The following RSPRY1 variants were observed in gnomAD, a reference collection of about 807,000 sequenced individuals.
The protein encoded by RSPRY1 is RING finger and SPRY domain-containing protein 1.
In RSPRY1, 23 loss-of-function variants were observed where a neutral mutation model predicts 73.1. That is an observed-to-expected ratio of 0.31 (90% CI 0.23 to 0.45). RSPRY1 has a LOEUF of 0.45. Among genes scored for constraint, RSPRY1 ranks in the 20% least tolerant of loss-of-function variants. The pLI is 1.00. For missense variants in RSPRY1, 448 were observed against 698.7 expected (o/e 0.64, Z 4.05); for synonymous variants, 226 against 251.4 (o/e 0.90, Z 0.95).
chr16:57,207,836 C>T lies in RSPRY1; in HGVS notation c.351-222C>T, dbSNP rs137907643. On this transcript the variant is annotated intron_variant, in intron 2 of 14. Coordinates refer to ENST00000394420, the MANE Select transcript of RSPRY1 (RefSeq NM_133368.3). ...TAGTCTTTGTCTGTATCCACCTGCC[C>T]ATTTTGTCTGTGGGTCATTGTGGAC... Among the ~76,000 whole-genome samples the T allele has an allele frequency of 1.6e-3, 239 of 152,252 alleles. 2 individuals carry two copies. The highest frequency in any genetic ancestry group is 2.1e-3 in the Non-Finnish European group (142 of 68,016).
intron 10 of RSPRY1, among the ~76,000 whole-genome samples, chr16:57,222,234 G>T (rs372846087): frequency 6.6e-6 from 1 of 152,078 alleles, no homozygotes; most frequent in African/African-American, 2.4e-5. Context: ...TAAACTTGCC[G>T]GCCATAAGTA....
rs1325848771 is a variant in RSPRY1, at chr16:57,240,356, C to CA, written c.*1382dup. On this transcript the variant is annotated 3_prime_UTR_variant, in exon 15 of 15. Transcript: ENST00000394420. ...CCATAAATCCACACACACACACACA[C>CA]ACAAAAAATATATATATATATAAAT... 3 of 148,604 alleles carry CA rather than the reference C, an allele frequency of 2.0e-5. No homozygotes were observed. The highest frequency in any genetic ancestry group is 4.5e-5 in the Non-Finnish European group (3 of 67,284). The allele number at this position is 148,604 out of a possible 1,614,324, so 9.2% of individuals were successfully genotyped here.
intron 1 of RSPRY1, among the ~76,000 whole-genome samples, chr16:57,200,560 T>C (rs1319111554): frequency 1.7e-4 from 20 of 114,916 alleles, no homozygotes; most frequent in South Asian, 3.2e-4. Flanking sequence ...CCCTCCCGGA[T>C]GGGGCGGCTG....
At chr16:57,201,910 T>C (rs1388797695) in intron 1 of RSPRY1, among the ~76,000 whole-genome samples, 1 of 152,044 alleles carries the variant, frequency 6.6e-6, no homozygotes, top group African/African-American at 2.4e-5. Context: ...ATGGCAGCAG[T>C]ACAGTCCAGC....
intron 1 of RSPRY1, among the ~76,000 whole-genome samples, chr16:57,197,357 G>A (rs574865380): frequency 7.2e-5 from 11 of 152,262 alleles, no homozygotes; most frequent in African/African-American, 2.6e-4. Flanking sequence ...AGTACTCTGT[G>A]TAGTCATCTC....
intron 1 of RSPRY1, among the ~76,000 whole-genome samples, chr16:57,195,372 C>T (rs1423619929): frequency 2.0e-5 from 3 of 152,014 alleles, no homozygotes; most frequent in African/African-American, 4.8e-5. Flanking sequence ...ATGAGCCAGG[C>T]GTGGTGGCAG....
intron 1 of RSPRY1, among the ~76,000 whole-genome samples, chr16:57,191,228 T>C (rs1166185179): frequency 2.0e-5 from 3 of 152,230 alleles, no homozygotes; most frequent in Admixed American, 6.5e-5. Context: ...ATTCTCAAGA[T>C]GTGGTTTCTG....
intron 4 of RSPRY1, 74 bp from the exon 5 acceptor site, chr16:57,212,898 C>T (rs1433366558): frequency 5.4e-6 from 7 of 1,294,552 alleles, no homozygotes; most frequent in Non-Finnish European, 7.3e-6. Context: ...GCTTTTGTCT[C>T]AAAAAAAAAA....
intron 4 of RSPRY1, among the ~76,000 whole-genome samples, chr16:57,211,686 T>C (rs1309873523): frequency 2.6e-5 from 4 of 152,222 alleles, no homozygotes; most frequent in Non-Finnish European, 5.9e-5. Flanking sequence ...CGAACTTTCA[T>C]TGCTTTCCCA....
intron 6 of RSPRY1, 79 bp from the exon 7 acceptor site, chr16:57,216,028 A>G (rs553862966): frequency 3.6e-6 from 4 of 1,104,766 alleles, no homozygotes; most frequent in East Asian, 4.7e-5. Flanking sequence ...ATATTGGGCA[A>G]GGAAATGAAA....
At chr16:57,203,476 G>C (rs1199532100) in intron 1 of RSPRY1, among the ~76,000 whole-genome samples, 2 of 152,174 alleles carry the variant, frequency 1.3e-5, no homozygotes, top group Middle Eastern at 3.2e-3. Flanking sequence ...TATGTGGCCT[G>C]TTCTCCAGCT....
At chr16:57,204,032 C>T (rs1377298641) in intron 1 of RSPRY1, among the ~76,000 whole-genome samples, 1 of 152,100 alleles carries the variant, frequency 6.6e-6, no homozygotes, top group African/African-American at 2.4e-5. Flanking sequence ...CAACAAACGT[C>T]TGTAATTATT....
chr16:57,237,409 T>G lies in RSPRY1; in HGVS notation c.1635-1470T>G, dbSNP rs112406373. ...CCACCTGCCTTGGCCTCCGAAAAGT[T>G]CTGGGATTACAGGCATGAGTCACCA... On this transcript the variant is annotated intron_variant, in intron 14 of 14. Coordinates refer to ENST00000394420, the MANE Select transcript of RSPRY1 (RefSeq NM_133368.3). 1.4e-4 allele frequency among the ~76,000 whole-genome samples: 21 copies of G among 152,152 alleles called. 1 individual carries two copies. Among genetic ancestry groups the G allele is most frequent in the African/African-American group, 5.1e-4 (21 of 41,556 alleles).
At chr16:57,223,392 C>CCT (rs2075070277) in intron 10 of RSPRY1, among the ~76,000 whole-genome samples, 1 of 152,208 alleles carries the variant, frequency 6.6e-6, no homozygotes, top group Non-Finnish European at 1.5e-5. Context: ...GTTCAGGTAA[C>CCT]CTACAGAACA....
intron 1 of RSPRY1, among the ~76,000 whole-genome samples, chr16:57,200,290 C>T (rs564992488): frequency 6.0e-5 from 9 of 150,942 alleles, no homozygotes; most frequent in African/African-American, 2.2e-4. Flanking sequence ...AATGAAAAGT[C>T]TCCCATGTCT....
upstream of RSPRY1, chr16:57,186,202 G>C: frequency 1.0e-6 from 1 of 983,268 alleles, no homozygotes; most frequent in South Asian, 4.7e-5. Flanking sequence ...AGGGCGGGCC[G>C]GTCCCGCTGA....
In RSPRY1 at chr16:57,220,808, T is replaced by A; in HGVS notation, c.978T>A (p.Asp326Glu). The A allele has an allele frequency of 6.2e-7, 1 of 1,613,864 alleles. No individual in the cohort carries two copies. Among genetic ancestry groups the A allele is most frequent in the Non-Finnish European group, 8.5e-7 (1 of 1,179,716 alleles). Residue 326 changes from aspartate (D) to glutamate (E), a missense_variant, in exon 9 of 15, where the codon GAT (aspartate) becomes GAA (glutamate). Asp to Glu is a conservative substitution (Grantham distance 45). Transcript: ENST00000394420. ...TTAGGGCCATGCTGAATAGCAATGA[T>A]GTCAGCGAGTACCTGAAGATCTCAC... ...SSIRAMLNSNDVSEYLKISPH... is the reference protein window; with the variant it reads ...SSIRAMLNSNEVSEYLKISPH...
At chr16:57,221,083 C>G (rs927459728) in intron 9 of RSPRY1, among the ~76,000 whole-genome samples, 189 bp from the exon 10 acceptor site, 2 of 152,156 alleles carry the variant, frequency 1.3e-5, no homozygotes, top group African/African-American at 4.8e-5. Context: ...TTCTTTGATT[C>G]TGTATGTTGC....
At chr16:57,189,341 A>G (rs2146140594) in intron 1 of RSPRY1, among the ~76,000 whole-genome samples, 1 of 152,142 alleles carries the variant, frequency 6.6e-6, no homozygotes. Context: ...GTATACCAGC[A>G]TACTCTATGT....
Sources: allele counts gnomAD v4.1 joint callset (sites outside exome capture counted in the v4.1 genomes callset), GRCh38; gene constraint gnomAD v4.1.1; transcripts MANE v1.5; gene names NCBI Gene and HGNC (gene_info 2026-07-23, HGNC 2026-07-21).